RTN4RL1: variants seen among roughly 807,000 people sequenced by gnomAD.
RTN4RL1 encodes reticulon-4 receptor-like 1.
In RTN4RL1, 7 loss-of-function variants were observed where a neutral mutation model predicts 25.6. The observed-to-expected ratio is 0.27, with a 90% CI of 0.16 to 0.51. The LOEUF is 0.51. RTN4RL1 is among the 20% of genes least tolerant of loss of function. The pLI, the probability that RTN4RL1 is intolerant of heterozygous loss-of-function variation, is 0.97. For synonymous variants in RTN4RL1, 297 were observed against 288.2 expected (o/e 1.03, Z -0.31); for missense variants, 500 against 615.6 (o/e 0.81, Z 1.99).
chr17:1,964,008 G>C (rs1012947888), intron 1 of RTN4RL1, among the ~76,000 whole-genome samples: 1 of 152,164 alleles, frequency 6.6e-6, no homozygotes, highest in Non-Finnish European at 1.5e-5. Flanking sequence ...TTACAGGCGT[G>C]AGCCACCGCG....
intron 1 of RTN4RL1, among the ~76,000 whole-genome samples, chr17:2,000,677 G>A (rs2066952910): frequency 6.6e-6 from 1 of 152,010 alleles, no homozygotes; most frequent in Admixed American, 6.6e-5. Context: ...GTGCCACCAC[G>A]TCTGGCTAAT....
At chr17:1,953,073 AAAAAT>A (rs1032453196) in intron 1 of RTN4RL1, among the ~76,000 whole-genome samples, 8 of 151,612 alleles carry the variant, frequency 5.3e-5, no homozygotes, top group Non-Finnish European at 7.4e-5. Context: ...TCTAGTTTCA[AAAAAT>A]AAAATAAAAT....
At chr17:2,017,018 T>C (rs993293669) in intron 1 of RTN4RL1, among the ~76,000 whole-genome samples, 3 of 152,244 alleles carry the variant, frequency 2.0e-5, no homozygotes, top group African/African-American at 7.2e-5. Context: ...TTCTCACTCA[T>C]GGAGTCACCT....
intron 1 of RTN4RL1, among the ~76,000 whole-genome samples, chr17:1,986,899 C>A (rs1448269952): frequency 6.6e-6 from 1 of 152,114 alleles, no homozygotes; most frequent in African/African-American, 2.4e-5. Flanking sequence ...GGGTTCCAGG[C>A]TTGGCTCTGC....
At chr17:2,002,222 C>A (rs1168063584) in intron 1 of RTN4RL1, among the ~76,000 whole-genome samples, 1 of 151,714 alleles carries the variant, frequency 6.6e-6, no homozygotes, top group Non-Finnish European at 1.5e-5. Context: ...CTCTTTCTTT[C>A]CCTTTCTTCC....
At chr17:1,987,353 T>C (rs983729287) in intron 1 of RTN4RL1, among the ~76,000 whole-genome samples, 1 of 151,998 alleles carries the variant, frequency 6.6e-6, no homozygotes, top group Non-Finnish European at 1.5e-5. Flanking sequence ...TTCAAGCCTG[T>C]GGGGGAAGAG....
At chr17:1,963,084 T>C (rs1380393452) in intron 1 of RTN4RL1, among the ~76,000 whole-genome samples, 1 of 152,008 alleles carries the variant, frequency 6.6e-6, no homozygotes, top group Non-Finnish European at 1.5e-5. Context: ...ATTACAGACA[T>C]GAGCCACAGC....
At chr17:1,980,043 G>C (rs2066860546) in intron 1 of RTN4RL1, among the ~76,000 whole-genome samples, 1 of 152,028 alleles carries the variant, frequency 6.6e-6, no homozygotes, top group Admixed American at 6.6e-5. Context: ...TAATCCACTT[G>C]GCTCAGATAT....
At chr17:2,004,459 G>A (rs550247563) in intron 1 of RTN4RL1, among the ~76,000 whole-genome samples, 8 of 152,168 alleles carry the variant, frequency 5.3e-5, no homozygotes, top group South Asian at 2.1e-4. Flanking sequence ...GGGCTGAGGC[G>A]GGGCTTTCTT....
rs113007923 is a variant in RTN4RL1, at chr17:1,939,339, C to T, written c.14-1531G>A. ...CTGCACTCCAGCCTGGGCGACAGAG[C>T]GAAACTCCGTCTCAATAAATAAATA... is the stretch of plus-strand genomic sequence containing the variant. On this transcript the variant is annotated intron_variant, in intron 1 of 1. Transcript: ENST00000331238. 1.1e-4 allele frequency among the ~76,000 whole-genome samples: 17 copies of T among 150,312 alleles called. 1 individual carries two copies. In the East Asian group the frequency reaches 1.4e-3, roughly 12 times the overall value.
chr17:2,015,803 G>A (rs1245530595), intron 1 of RTN4RL1, among the ~76,000 whole-genome samples: 1 of 152,138 alleles, frequency 6.6e-6, no homozygotes, highest in Non-Finnish European at 1.5e-5. Context: ...CGAAAGGAGG[G>A]GATGCAACAC....
At chr17:1,940,574 T>A (rs1215843870) in intron 1 of RTN4RL1, among the ~76,000 whole-genome samples, 1 of 152,110 alleles carries the variant, frequency 6.6e-6, no homozygotes, top group East Asian at 1.9e-4. Flanking sequence ...GGCAGGGGTG[T>A]GTTGGGGGAG....
intron 1 of RTN4RL1, among the ~76,000 whole-genome samples, chr17:1,980,750 A>C (rs1454611494): frequency 1.3e-5 from 2 of 151,494 alleles, no homozygotes; most frequent in Non-Finnish European, 2.9e-5. Flanking sequence ...CAACATGGAG[A>C]AACCCCGTCT....
intron 1 of RTN4RL1, among the ~76,000 whole-genome samples, chr17:2,009,254 G>A (rs1023501431): frequency 2.6e-4 from 39 of 152,222 alleles, no homozygotes; most frequent in Non-Finnish European, 5.9e-5. Flanking sequence ...GAGGTCAGGA[G>A]TTCAAGACCA....
At chr17:1,996,263 G>A (rs930873451) in intron 1 of RTN4RL1, among the ~76,000 whole-genome samples, 1 of 152,194 alleles carries the variant, frequency 6.6e-6, no homozygotes, top group African/African-American at 2.4e-5. Flanking sequence ...GGTGAGAGCT[G>A]ATGTTCAGTC....
chr17:2,006,157 A>AAT (rs1008876675), intron 1 of RTN4RL1, among the ~76,000 whole-genome samples: 9 of 138,396 alleles, frequency 6.5e-5, no homozygotes, highest in African/African-American at 2.6e-4. Context: ...GGAGGTTTGC[A>AAT]ATTTTTTTTT....
At chr17:1,988,147 G>A (rs2066894663) in intron 1 of RTN4RL1, among the ~76,000 whole-genome samples, 1 of 151,926 alleles carries the variant, frequency 6.6e-6, no homozygotes, top group African/African-American at 2.4e-5. Context: ...GGCCGGGCAT[G>A]GTGGCTCACG....
At chr17:1,953,073 AAAAATAAAAT>A (rs1032453196) in intron 1 of RTN4RL1, among the ~76,000 whole-genome samples, 10 of 151,730 alleles carry the variant, frequency 6.6e-5, no homozygotes, top group South Asian at 4.2e-4. Context: ...TCTAGTTTCA[AAAAATAAAAT>A]AAAATAAAAT....
intron 1 of RTN4RL1, among the ~76,000 whole-genome samples, chr17:1,975,974 G>T (rs1269771535): frequency 6.6e-6 from 1 of 152,242 alleles, no homozygotes; most frequent in Non-Finnish European, 1.5e-5. Flanking sequence ...CGCCATCCCT[G>T]CAGAGAGCAG....
Sources: gnomAD v4.1 joint callset for allele counts (sites outside exome capture counted in the v4.1 genomes callset) on GRCh38, gnomAD v4.1.1 for gene constraint, MANE v1.5 for transcripts, NCBI Gene and HGNC (gene_info 2026-07-23, HGNC 2026-07-21) for gene names.